ANK3: variants seen among roughly 807,000 people sequenced by gnomAD.
ANK3 encodes ankyrin-3.
ANK3 carries 57 observed loss-of-function variants against 370.9 expected under a neutral mutation model. The observed-to-expected ratio is 0.15, with a 90% CI of 0.12 to 0.19. The LOEUF is 0.19. Among genes scored for constraint, ANK3 ranks in the 10% least tolerant of loss-of-function variants. The pLI, the probability that ANK3 is intolerant of heterozygous loss-of-function variation, is 1.00. For missense variants in ANK3, 4,439 were observed against 5,302.1 expected (o/e 0.84, Z 5.06); for synonymous variants, 1,929 against 1,946.3 (o/e 0.99, Z 0.23).
At chr10:60,046,428 G>A (rs1181798485) in intron 42 of ANK3, among the ~76,000 whole-genome samples, 3 of 152,136 alleles carry the variant, frequency 2.0e-5, no homozygotes, top group Non-Finnish European at 2.9e-5. Context: ...ATCCTATTGG[G>A]CAGGTACTGA....
intron 17 of ANK3, among the ~76,000 whole-genome samples, chr10:60,183,232 A>T (rs1457339791): frequency 1.3e-5 from 2 of 152,200 alleles, no homozygotes; most frequent in Non-Finnish European, 2.9e-5. Context: ...TATTACAAAT[A>T]TCATAATCCT....
At chr10:60,417,909 GT>G (rs1330006415) in intron 2 of ANK3, among the ~76,000 whole-genome samples, 1 of 151,904 alleles carries the variant, frequency 6.6e-6, no homozygotes, top group Non-Finnish European at 1.5e-5. Context: ...TACTTGAAAG[GT>G]TTTTTAAAAA....
intron 2 of ANK3, among the ~76,000 whole-genome samples, chr10:60,422,502 G>A (rs1465693964): frequency 1.3e-5 from 2 of 152,006 alleles, no homozygotes; most frequent in Admixed American, 6.6e-5. Context: ...CTAGGGACAC[G>A]GGGTGACACG....
chr10:60,689,629 G>A (rs1015313415), intron 1 of ANK3, among the ~76,000 whole-genome samples: 1 of 151,810 alleles, frequency 6.6e-6, no homozygotes, highest in African/African-American at 2.4e-5. Flanking sequence ...TCGAGTGCCT[G>A]TAATCCCAGC....
At chr10:60,363,343 C>G (rs1461804897) in intron 1 of ANK3, among the ~76,000 whole-genome samples, 1 of 152,176 alleles carries the variant, frequency 6.6e-6, no homozygotes, top group African/African-American at 2.4e-5. Context: ...GAAAAAGAAA[C>G]CCCTCTTTGT....
At chr10:60,541,455 T>C (rs2076846860) in intron 2 of ANK3, among the ~76,000 whole-genome samples, 1 of 152,002 alleles carries the variant, frequency 6.6e-6, no homozygotes, top group South Asian at 2.1e-4. Context: ...AAATGTGAGA[T>C]AATATTACGT....
intron 17 of ANK3, among the ~76,000 whole-genome samples, chr10:60,181,968 G>A (rs2096203641): frequency 6.6e-6 from 1 of 151,828 alleles, no homozygotes; most frequent in African/African-American, 2.4e-5. Context: ...TCCTATATGT[G>A]TTTCACCTAT....
intron 1 of ANK3, among the ~76,000 whole-genome samples, chr10:60,341,190 C>T (rs943958475): frequency 6.6e-6 from 1 of 152,094 alleles, no homozygotes; most frequent in Admixed American, 6.5e-5. Flanking sequence ...TATTACTAAG[C>T]ATCTGGGACA....
At position 60,034,995 on chromosome 10, in the gene ANK3, T is replaced by C. The variant is rs151038697; in HGVS notation, c.*20-5169A>G. Among the ~76,000 whole-genome samples the C allele has an allele frequency of 4.3e-3, 635 of 147,944 alleles. 4 individuals carry two copies. The highest frequency in any genetic ancestry group is 0.015 in the African/African-American group (596 of 39,316). Reference sequence around the variant, plus strand: ...ATTGTTCTTTTCTGTTCACTTGTGATTAAAAAGTATCTTAAGTCAAAGGGC... The same window carrying C: ...ATTGTTCTTTTCTGTTCACTTGTGACTAAAAAGTATCTTAAGTCAAAGGGC... On this transcript the variant is annotated intron_variant, in intron 43 of 43. Transcript: ENST00000280772.
At chr10:60,481,108 T>A (rs2075203090) in intron 2 of ANK3, among the ~76,000 whole-genome samples, 1 of 152,182 alleles carries the variant, frequency 6.6e-6, no homozygotes. Flanking sequence ...CCTCCCTGGT[T>A]ATTCATCTCT....
chr10:60,300,118 CAT>C (rs1430559872), intron 1 of ANK3, among the ~76,000 whole-genome samples: 1 of 152,150 alleles, frequency 6.6e-6, no homozygotes, highest in Admixed American at 6.6e-5. Context: ...ACAGGCAAAA[CAT>C]ATCTAGAGTC....
chr10:60,602,400 T>C (rs1381413559), intron 2 of ANK3, among the ~76,000 whole-genome samples: 1 of 152,148 alleles, frequency 6.6e-6, no homozygotes, highest in East Asian at 1.9e-4. Context: ...CTAGGCCACA[T>C]GGAAAATACA....
intron 2 of ANK3, among the ~76,000 whole-genome samples, chr10:60,465,217 A>G (rs1595082616): frequency 6.6e-6 from 1 of 151,810 alleles, no homozygotes; most frequent in Non-Finnish European, 1.5e-5. Context: ...TGATTGCCCC[A>G]CTGCACTCCA....
intron 1 of ANK3, among the ~76,000 whole-genome samples, chr10:60,639,119 G>A (rs749493619): frequency 7.9e-5 from 12 of 151,876 alleles, no homozygotes; most frequent in African/African-American, 2.4e-4. Flanking sequence ...AAGAAAATAT[G>A]CTAAAAGCAG....
chr10:60,593,817 C>T (rs1376329551), intron 2 of ANK3, among the ~76,000 whole-genome samples: 1 of 152,132 alleles, frequency 6.6e-6, no homozygotes, highest in Non-Finnish European at 1.5e-5. Flanking sequence ...ACAAAAAAAG[C>T]TACAAACAGG....
intron 25 of ANK3, among the ~76,000 whole-genome samples, chr10:60,126,484 G>C (rs2093761039): frequency 6.6e-6 from 1 of 152,084 alleles, no homozygotes; most frequent in African/African-American, 2.4e-5. Context: ...CCAGGAGTTT[G>C]AGACCAACCT....
intron 35 of ANK3, chr10:60,081,576 A>G: frequency 2.5e-6 from 1 of 408,100 alleles, no homozygotes; most frequent in Non-Finnish European, 4.8e-6. Context: ...AGATTTATCA[A>G]TAGCTAGTAA....
chr10:60,416,117 C>T (rs1278567877), intron 2 of ANK3, among the ~76,000 whole-genome samples: 1 of 152,008 alleles, frequency 6.6e-6, no homozygotes, highest in Non-Finnish European at 1.5e-5. Flanking sequence ...TGAGAAGACA[C>T]CATCTATGAA....
At chr10:60,639,528 T>C (rs2078600927) in intron 1 of ANK3, among the ~76,000 whole-genome samples, 1 of 151,728 alleles carries the variant, frequency 6.6e-6, no homozygotes, top group South Asian at 2.1e-4. Flanking sequence ...CATATTATGG[T>C]GTTTATAACA....
Sources: allele counts gnomAD v4.1 joint callset (sites outside exome capture counted in the v4.1 genomes callset), GRCh38; gene constraint gnomAD v4.1.1; transcripts MANE v1.5; gene names NCBI Gene and HGNC (gene_info 2026-07-23, HGNC 2026-07-21).